Variants in CEP135 observed in about 807,000 individuals in gnomAD.
CEP135 encodes the protein centrosomal protein of 135 kDa.
In CEP135, 142 loss-of-function variants were observed where a neutral mutation model predicts 157.3. The observed-to-expected ratio is 0.90, with a 90% confidence interval of 0.79 to 1.04. The LOEUF is 1.04. CEP135 is among the 50% of genes least tolerant of loss of function. The pLI is 0.00. For synonymous variants in CEP135, 396 were observed against 439.8 expected, an observed-to-expected ratio of 0.90 and a Z score of 1.25; for missense variants, 1,317 against 1,309.2, an observed-to-expected ratio of 1.01 and a Z score of -0.09.
At chr4:55,976,251 AAAG>A (rs1251266931) in intron 11 of CEP135, among the ~76,000 whole-genome samples, 4 of 151,206 alleles carry the variant, frequency 2.6e-5, no homozygotes, top group Admixed American at 6.6e-5. Flanking sequence ...AAAAAAAAAG[AAAG>A]AAAGAAAGAA....
At chr4:55,996,541 GT>G (rs1255372513) in intron 15 of CEP135, among the ~76,000 whole-genome samples, 1 of 152,126 alleles carries the variant, frequency 6.6e-6, no homozygotes, top group East Asian at 1.9e-4. Context: ...AGGGCCACTA[GT>G]TACAACCATC....
chr4:56,028,153 A>G (rs75832988), intron 25 of CEP135, among the ~76,000 whole-genome samples: 10,464 of 152,202 alleles, frequency 0.069, 490 homozygotes, highest in Middle Eastern at 0.082. Flanking sequence ...TTTCTATCAT[A>G]TGGTTATTGT....
chr4:56,022,425 A>G (rs1051643462), intron 24 of CEP135, among the ~76,000 whole-genome samples: 1 of 152,184 alleles, frequency 6.6e-6, no homozygotes, highest in Non-Finnish European at 1.5e-5. Flanking sequence ...TTTAGGTTGT[A>G]TAAGTTAGTA....
At chr4:55,991,229 G>GC (rs1289688062) in intron 14 of CEP135, among the ~76,000 whole-genome samples, 3 of 151,740 alleles carry the variant, frequency 2.0e-5, no homozygotes, top group Admixed American at 2.0e-4. Context: ...GCCCACCGTG[G>GC]CCTCCCATAT....
Position 55,985,327 on chromosome 4 carries a change from C to CTAT in CEP135, c.1828_1830dup (p.Ile610dup), listed in dbSNP as rs1217990407. 5 of 1,595,514 alleles carry CTAT rather than the reference C, an allele frequency of 3.1e-6. No homozygotes were observed. Among genetic ancestry groups the CTAT allele is most frequent in the Non-Finnish European group, 4.3e-6 (5 of 1,164,684 alleles). ...TTTGGAAAATCAGAATTAGAGAAAA[C>CTAT]TATTGAACATTTGACATGTGTTAAT... On this transcript the variant is annotated inframe_insertion, in exon 14 of 26. Coordinates refer to ENST00000257287, the MANE Select transcript of CEP135 (RefSeq NM_025009.5).
chr4:56,007,144 T>A (rs1320099304), intron 17 of CEP135, among the ~76,000 whole-genome samples: 2 of 152,216 alleles, frequency 1.3e-5, no homozygotes, highest in Non-Finnish European at 2.9e-5. Flanking sequence ...TCCACCTGCC[T>A]CAGCCTCCCA....
intron 6 of CEP135, among the ~76,000 whole-genome samples, chr4:55,963,767 A>G (rs1210957033): frequency 6.6e-6 from 1 of 152,180 alleles, no homozygotes; most frequent in African/African-American, 2.4e-5. Context: ...GAAAAAGCCA[A>G]AGCTTGAAAG....
intron 25 of CEP135, among the ~76,000 whole-genome samples, chr4:56,025,895 C>A (rs1731142287): frequency 6.7e-6 from 1 of 149,316 alleles, no homozygotes; most frequent in African/African-American, 2.5e-5. Flanking sequence ...TCCAGGTAAC[C>A]TGCATGAAAA....
chr4:55,994,258 GAGTC>G (rs1369278648), intron 15 of CEP135, among the ~76,000 whole-genome samples: 1 of 152,188 alleles, frequency 6.6e-6, no homozygotes, highest in African/African-American at 2.4e-5. Context: ...AAGAAGCTGA[GAGTC>G]AGGGCCAGGC....
chr4:55,962,151 G>T (rs1386690591), intron 6 of CEP135, among the ~76,000 whole-genome samples: 2 of 151,612 alleles, frequency 1.3e-5, no homozygotes, highest in African/African-American at 4.9e-5. Context: ...CCATGCTGAA[G>T]TGCAGTGGCG....
At chr4:56,018,011 TGGA>T (rs1730840398) in intron 22 of CEP135, among the ~76,000 whole-genome samples, 154 bp downstream of exon 22, 1 of 152,058 alleles carries the variant, frequency 6.6e-6, no homozygotes, top group Admixed American at 6.6e-5. Flanking sequence ...CTTAGGCTGG[TGGA>T]GTTCAGTGGT....
chr4:55,987,193 A>G (rs1032122499), intron 14 of CEP135, among the ~76,000 whole-genome samples: 14 of 151,890 alleles, frequency 9.2e-5, no homozygotes, highest in South Asian at 2.1e-4. Context: ...GAATTATGAG[A>G]TTTTCAAATG....
At chr4:55,956,727 C>T (rs1351101287) in intron 4 of CEP135, among the ~76,000 whole-genome samples, 1 of 152,142 alleles carries the variant, frequency 6.6e-6, no homozygotes, top group Non-Finnish European at 1.5e-5. Flanking sequence ...TCTCCTGCCT[C>T]AGCCTCCCAA....
chr4:56,006,374 A>T (rs1730346794), intron 17 of CEP135, among the ~76,000 whole-genome samples: 1 of 152,160 alleles, frequency 6.6e-6, no homozygotes, highest in Non-Finnish European at 1.5e-5. Flanking sequence ...GAGATCCTCC[A>T]ATGAATTTTT....
At chr4:55,982,656 C>A (rs1475552096) in intron 13 of CEP135, among the ~76,000 whole-genome samples, 3 of 152,122 alleles carry the variant, frequency 2.0e-5, no homozygotes, top group Admixed American at 2.0e-4. Context: ...TTTATATATT[C>A]TACATACAGC....
At chr4:55,974,502 G>C (rs948220222) in intron 10 of CEP135, among the ~76,000 whole-genome samples, 1 of 152,090 alleles carries the variant, frequency 6.6e-6, no homozygotes, top group Non-Finnish European at 1.5e-5. Flanking sequence ...CCCATCTTAC[G>C]ATAAGACAAA....
chr4:56,007,297 C>T (rs1261972921), intron 17 of CEP135, among the ~76,000 whole-genome samples: 2 of 152,132 alleles, frequency 1.3e-5, no homozygotes, highest in African/African-American at 2.4e-5. Flanking sequence ...CTTTTTGTCA[C>T]TAGATGGTGG....
intron 18 of CEP135, among the ~76,000 whole-genome samples, chr4:56,009,056 G>A (rs370309765): frequency 6.6e-6 from 1 of 152,088 alleles, no homozygotes; most frequent in African/African-American, 2.4e-5. Context: ...GTGCCACCAC[G>A]CTCAGCTAAT....
chr4:55,998,130 A>T (rs748794405), intron 15 of CEP135, among the ~76,000 whole-genome samples: 10 of 152,196 alleles, frequency 6.6e-5, no homozygotes, highest in Non-Finnish European at 1.3e-4. Context: ...TTTGGAATTC[A>T]AACCTCCTTC....
Sources: allele counts gnomAD v4.1 joint callset (sites outside exome capture counted in the v4.1 genomes callset), GRCh38; gene constraint gnomAD v4.1.1; transcripts MANE v1.5; gene names NCBI Gene and HGNC (gene_info 2026-07-23, HGNC 2026-07-21).